HDAC9: variants seen among roughly 807,000 people sequenced by gnomAD.
The protein encoded by HDAC9 is MEF-2 interacting transcription repressor (MITR) protein.
Under a neutral mutation model 139.4 loss-of-function variants are expected in HDAC9, and 41 were observed. The ratio of observed to expected loss-of-function variants is 0.29; its 90% confidence interval spans 0.23 to 0.38. The LOEUF is 0.38. Ranked by LOEUF, HDAC9 falls within the 10% of genes least tolerant of loss-of-function variation. The pLI, the probability that HDAC9 is intolerant of heterozygous loss-of-function variation, is 1.00. For synonymous variants in HDAC9, 517 were observed against 476.2 expected (o/e 1.09, Z -1.12); for missense variants, 1,147 against 1,297.0 (o/e 0.88, Z 1.78).
chr7:18,897,987 T>C (rs1390257996), intron 22 of HDAC9, among the ~76,000 whole-genome samples: 3 of 151,878 alleles, frequency 2.0e-5, no homozygotes, highest in East Asian at 3.9e-4. Flanking sequence ...CAGGAACAAA[T>C]ACATTTTTGT....
intron 14 of HDAC9, among the ~76,000 whole-genome samples, chr7:18,752,116 G>A (rs929139026): frequency 1.3e-5 from 2 of 151,946 alleles, no homozygotes; most frequent in East Asian, 1.9e-4. Context: ...AATTATTTTC[G>A]AATGCCGTGA....
chr7:18,826,552 A>T (rs1795451569), intron 17 of HDAC9, among the ~76,000 whole-genome samples: 2 of 152,102 alleles, frequency 1.3e-5, no homozygotes, highest in South Asian at 4.1e-4. Flanking sequence ...GTTTAGCAGA[A>T]TGATGGAGGT....
At chr7:18,143,319 A>G (rs1786048304) in intron 1 of HDAC9, among the ~76,000 whole-genome samples, 1 of 152,224 alleles carries the variant, frequency 6.6e-6, no homozygotes, top group African/African-American at 2.4e-5. Context: ...ACAACTGACT[A>G]CATTAAGACA....
chr7:18,588,345 G>A (rs1244857341), intron 3 of HDAC9, among the ~76,000 whole-genome samples: 1 of 151,990 alleles, frequency 6.6e-6, no homozygotes, highest in East Asian at 1.9e-4. Flanking sequence ...AAATGCCCGG[G>A]ACCAGAAATA....
intron 24 of HDAC9, among the ~76,000 whole-genome samples, chr7:18,967,507 A>G (rs10250432): frequency 4.1e-5 from 4 of 98,202 alleles, no homozygotes; most frequent in Middle Eastern, 5.8e-3. Flanking sequence ...CCCCCCCCCC[A>G]AAAAAAAAAA....
rs59291580 is a variant in HDAC9, at chr7:18,995,909, T to TAAC, written c.3171-112_3171-110dup. On this transcript the variant is annotated intron_variant, in intron 25 of 25. Transcript: ENST00000686413. ...GAAATTCTATTTATGGATAACTGAA[T>TAAC]AACACAAATAAACATCAGAGAGAGC... The TAAC allele has an allele frequency of 8.3e-3, 5,911 of 714,064 alleles. 241 individuals carry two copies. The African/African-American group carries it at 0.089, about 11-fold the overall frequency. The allele number at this position is 714,064 out of a possible 1,614,324, so 44.2% of individuals were successfully genotyped here. A position where few individuals can be genotyped will look rare whatever the true frequency, so the allele number is the denominator to read the frequency against.
Position 18,234,373 on chromosome 7 carries a change from G to C in HDAC9, c.25+72024G>C, listed in dbSNP as rs529982504. Among the ~76,000 whole-genome samples, 5 of 152,320 alleles carry C rather than the reference G, an allele frequency of 3.3e-5. No homozygotes were observed. In the South Asian group the frequency reaches 1.0e-3, roughly 32 times the overall value. ...ATAAGTGTTATAGAAATCTAGAGAA[G>C]GGGTAGGTAGGCTAGAGTGGCCAAA... is the stretch of plus-strand genomic sequence containing the variant. On this transcript the variant is annotated intron_variant, in intron 2 of 12. Transcript: ENST00000417496.
At chr7:18,185,899 C>G (rs1789873897) in intron 2 of HDAC9, among the ~76,000 whole-genome samples, 1 of 152,258 alleles carries the variant, frequency 6.6e-6, no homozygotes, top group African/African-American at 2.4e-5. Context: ...TGCAAAGTAT[C>G]TTGATCATTC....
At chr7:18,691,271 T>C (rs571033262) in intron 12 of HDAC9, among the ~76,000 whole-genome samples, 1 of 152,086 alleles carries the variant, frequency 6.6e-6, no homozygotes, top group South Asian at 2.1e-4. Context: ...ACAAAAAAAT[T>C]ATTTGCAATT....
intron 21 of HDAC9, among the ~76,000 whole-genome samples, chr7:18,850,081 T>TAAAAAAAA (rs11327408): frequency 1.2e-5 from 1 of 82,304 alleles, no homozygotes; most frequent in Non-Finnish European, 2.6e-5. Context: ...AAAGCCTGAG[T>TAAAAAAAA]AAAAAAAAAA....
chr7:18,121,043 A>G (rs1365329537), intron 1 of HDAC9, among the ~76,000 whole-genome samples: 2 of 152,218 alleles, frequency 1.3e-5, no homozygotes, highest in African/African-American at 4.8e-5. Context: ...ACCCCATGAG[A>G]AAACTGTGTT....
At chr7:18,153,921 G>A (rs2128121630) in intron 1 of HDAC9, among the ~76,000 whole-genome samples, 1 of 152,286 alleles carries the variant, frequency 6.6e-6, no homozygotes, top group Admixed American at 6.5e-5. Context: ...CTAGAGATGT[G>A]TCTTGGCTGG....
intron 1 of HDAC9, among the ~76,000 whole-genome samples, chr7:18,473,447 A>G (rs565923140): frequency 6.6e-6 from 1 of 152,322 alleles, no homozygotes; most frequent in Non-Finnish European, 1.5e-5. Context: ...TCTAGGAGAC[A>G]ATATTTCTTT....
At chr7:18,185,624 T>A (rs999932957) in intron 2 of HDAC9, among the ~76,000 whole-genome samples, 1 of 152,072 alleles carries the variant, frequency 6.6e-6, no homozygotes, top group African/African-American at 2.4e-5. Flanking sequence ...AAAAGCCCCT[T>A]TTTTTTCTCT....
intron 22 of HDAC9, among the ~76,000 whole-genome samples, chr7:18,887,834 C>G (rs1387468336): frequency 1.3e-5 from 2 of 151,808 alleles, no homozygotes; most frequent in Non-Finnish European, 2.9e-5. Flanking sequence ...CTTCCTCTAC[C>G]TAATCCCTTT....
intron 1 of HDAC9, among the ~76,000 whole-genome samples, chr7:18,329,488 GGTAA>G (rs1800738714): frequency 1.3e-5 from 2 of 151,390 alleles, no homozygotes; most frequent in South Asian, 4.2e-4. Context: ...AGGCCACTTT[GGTAA>G]GTGTCGGCTT....
intron 1 of HDAC9, among the ~76,000 whole-genome samples, chr7:18,305,596 G>A (rs532919946): frequency 6.6e-6 from 1 of 151,940 alleles, no homozygotes; most frequent in African/African-American, 2.4e-5. Flanking sequence ...TTATCATCAG[G>A]TTTTCTGGTC....
Position 18,628,669 on chromosome 7 carries a change from T to C in HDAC9, c.665-681T>C, listed in dbSNP as rs1405615. 7.5e-3 allele frequency among the ~76,000 whole-genome samples: 1,143 copies of C among 152,274 alleles called. 20 individuals carry two copies. The highest frequency in any genetic ancestry group is 0.026 in the African/African-American group (1,092 of 41,570). ...TACATGTGAATAATGTGCATTTGTA[T>C]TATGGAATATATAACCTAACTCAGA... On this transcript the variant is annotated intron_variant, in intron 6 of 25. Coordinates refer to ENST00000686413, the MANE Select transcript of HDAC9 (RefSeq NM_178425.4).
chr7:18,659,337 A>C (rs564354093), intron 11 of HDAC9, among the ~76,000 whole-genome samples: 88 of 152,274 alleles, frequency 5.8e-4, no homozygotes, highest in African/African-American at 2.0e-3. Flanking sequence ...TTATTTAGTG[A>C]ATTTTTCATC....
Sources: allele counts gnomAD v4.1 joint callset (sites outside exome capture counted in the v4.1 genomes callset), GRCh38; gene constraint gnomAD v4.1.1; transcripts MANE v1.5; gene names NCBI Gene and HGNC (gene_info 2026-07-23, HGNC 2026-07-21).